The following WWOX variants were observed in gnomAD, a reference collection of about 807,000 sequenced individuals.
WWOX encodes WW domain containing oxidoreductase.
In WWOX, 69 loss-of-function variants were observed where a neutral mutation model predicts 46.2. The ratio of observed to expected loss-of-function variants is 1.49; its 90% CI spans 1.23 to 1.82. The LOEUF (loss-of-function observed/expected upper bound fraction) is 1.82. WWOX is among the 40% of genes most tolerant of loss of function. WWOX has a pLI of 0.00. For synonymous variants in WWOX, 359 were observed against 202.6 expected, an observed-to-expected ratio of 1.77 and a Z score of -6.56; for missense variants, 919 against 542.6, an observed-to-expected ratio of 1.69 and a Z score of -6.89.
At chr16:78,824,951 A>T (rs1424068241) in intron 8 of WWOX, among the ~76,000 whole-genome samples, 1 of 152,138 alleles carries the variant, frequency 6.6e-6, no homozygotes, top group African/African-American at 2.4e-5. Flanking sequence ...TGTTGTTTTC[A>T]TTCCTGGTAG....
At chr16:78,264,737 C>T (rs930074396) in intron 5 of WWOX, 2 of 152,448 alleles carry the variant, frequency 1.3e-5, no homozygotes, top group Non-Finnish European at 2.9e-5. Flanking sequence ...AAAACGGGCG[C>T]ATGGGAACTT....
rs557327283 is a variant in WWOX at position 79,001,747 on chromosome 16, G to A, written c.1057-209861G>A. Among the ~76,000 whole-genome samples, 14 of 152,112 alleles carry A rather than the reference G, an allele frequency of 9.2e-5. No individual in the cohort carries two copies. The South Asian group carries it at 2.7e-3, about 29-fold the overall frequency. ...AGGGGGAAATGTGGAGGAAGGGGGC[G>A]TTTGTGCAGTGGGAAGTTGGAGAAA... On this transcript the variant is annotated intron_variant, in intron 8 of 8. Coordinates refer to ENST00000566780, the MANE Select transcript of WWOX (RefSeq NM_016373.4).
intron 8 of WWOX, among the ~76,000 whole-genome samples, chr16:78,959,050 T>C (rs2046223632): frequency 6.6e-6 from 1 of 152,184 alleles, no homozygotes; most frequent in African/African-American, 2.4e-5. Flanking sequence ...AATAATGTAA[T>C]GTTTTTAAAA....
At chr16:78,649,396 A>G (rs1228186787) in intron 8 of WWOX, among the ~76,000 whole-genome samples, 3 of 151,474 alleles carry the variant, frequency 2.0e-5, no homozygotes, top group African/African-American at 7.3e-5. Context: ...CGATCTTCCC[A>G]CCTCTGCCAC....
At chr16:78,387,047 T>C (rs1287044705) in intron 6 of WWOX, 99 bp downstream of exon 6, 1 of 1,268,840 alleles carries the variant, frequency 7.9e-7, no homozygotes, top group Non-Finnish European at 1.1e-6. Flanking sequence ...TGTTGTGTTG[T>C]CTTGGCGTCC....
intron 8 of WWOX, among the ~76,000 whole-genome samples, chr16:78,737,398 A>C (rs1442334743): frequency 6.6e-6 from 1 of 152,028 alleles, no homozygotes; most frequent in African/African-American, 2.4e-5. Flanking sequence ...CAGCCTCCCA[A>C]AGTGCTGGGA....
chr16:79,135,671 C>T (rs928376706), intron 8 of WWOX, among the ~76,000 whole-genome samples: 2 of 152,124 alleles, frequency 1.3e-5, no homozygotes, highest in South Asian at 2.1e-4. Context: ...AAAATGTATT[C>T]ACACACCCAC....
intron 8 of WWOX, among the ~76,000 whole-genome samples, chr16:79,137,960 G>A (rs188765464): frequency 6.6e-6 from 1 of 152,156 alleles, no homozygotes; most frequent in Non-Finnish European, 1.5e-5. Context: ...GATGAAATTG[G>A]TAAAAATAAT....
At chr16:78,325,369 T>C (rs1039497635) in intron 5 of WWOX, among the ~76,000 whole-genome samples, 4 of 152,252 alleles carry the variant, frequency 2.6e-5, no homozygotes, top group Non-Finnish European at 5.9e-5. Context: ...ATTGAGACTA[T>C]TGCTTTTCCA....
chr16:78,643,357 C>T (rs1468205456), intron 8 of WWOX, among the ~76,000 whole-genome samples: 1 of 152,190 alleles, frequency 6.6e-6, no homozygotes, highest in African/African-American at 2.4e-5. Context: ...ACTGAGGCTT[C>T]TGGAGGATCT....
At chr16:78,174,106 A>G (rs1199250663) in intron 5 of WWOX, among the ~76,000 whole-genome samples, 1 of 152,184 alleles carries the variant, frequency 6.6e-6, no homozygotes, top group Non-Finnish European at 1.5e-5. Context: ...CACCATAATA[A>G]TTTTGGAGGG....
Position 78,932,817 on chromosome 16 carries a change from A to C in WWOX, c.1057-278791A>C, listed in dbSNP as rs150484878. Among the ~76,000 whole-genome samples the C allele has an allele frequency of 4.2e-3, 642 of 152,278 alleles. 20 individuals are homozygous for C. The highest frequency in any genetic ancestry group is 7.2e-4 in the Non-Finnish European group (49 of 68,028). On this transcript the variant is annotated intron_variant, in intron 8 of 8. Transcript: ENST00000566780. ...CCCAAGCCCCTCCTGTAGAACAAAC[A>C]GACAAGGTGAGGAGCAAGGAGGCAT...
chr16:78,608,892 T>A (rs1054333706), intron 8 of WWOX, among the ~76,000 whole-genome samples: 8 of 152,156 alleles, frequency 5.3e-5, no homozygotes, highest in African/African-American at 1.9e-4. Flanking sequence ...ACATGAATGG[T>A]CTGACCTCGG....
intron 8 of WWOX, among the ~76,000 whole-genome samples, chr16:79,114,704 C>T (rs2049479708): frequency 6.6e-6 from 1 of 152,006 alleles, no homozygotes; most frequent in Non-Finnish European, 1.5e-5. Flanking sequence ...TTATGGCAGC[C>T]CCAGGAAAGG....
At chr16:79,028,107 C>G (rs543944766) in intron 8 of WWOX, among the ~76,000 whole-genome samples, 3 of 151,702 alleles carry the variant, frequency 2.0e-5, no homozygotes, top group Non-Finnish European at 4.4e-5. Flanking sequence ...CCTGCCACGA[C>G]GCCTGGCTAA....
chr16:78,638,137 C>T (rs992761704), intron 8 of WWOX, among the ~76,000 whole-genome samples: 1 of 152,122 alleles, frequency 6.6e-6, no homozygotes, highest in African/African-American at 2.4e-5. Context: ...CAGGCACTAC[C>T]CTCAACACTG....
rs12444146 is a variant in WWOX, at chr16:79,195,114, A to T, written c.1057-16494A>T. 2.9e-3 allele frequency among the ~76,000 whole-genome samples: 441 copies of T among 152,280 alleles called. 2 individuals carry two copies. Among genetic ancestry groups the T allele is most frequent in the Admixed American group, 0.023 (348 of 15,296 alleles). On this transcript the variant is annotated intron_variant, in intron 8 of 8. Transcript: ENST00000566780. ...TACCCGTATCTCAGATTTACAGAGG[A>T]GAAAACAGAGGCTCAGACTGGTTAT...
intron 8 of WWOX, among the ~76,000 whole-genome samples, chr16:78,569,251 T>C (rs2044653962): frequency 6.6e-6 from 1 of 152,246 alleles, no homozygotes; most frequent in Admixed American, 6.5e-5. Flanking sequence ...CTTGTCTCTC[T>C]ATATTGTTAT....
intron 8 of WWOX, among the ~76,000 whole-genome samples, chr16:78,909,761 C>A (rs2045060686): frequency 6.6e-6 from 1 of 152,158 alleles, no homozygotes; most frequent in Admixed American, 6.6e-5. Context: ...GAGGTTGTTC[C>A]ATGCGTCAAC....
Sources: gnomAD v4.1 joint callset for allele counts (sites outside exome capture counted in the v4.1 genomes callset) on GRCh38, gnomAD v4.1.1 for gene constraint, MANE v1.5 for transcripts, NCBI Gene and HGNC (gene_info 2026-07-23, HGNC 2026-07-21) for gene names.